Variants in OMA1 observed in about 807,000 individuals in gnomAD.
OMA1 encodes OMA1 zinc metallopeptidase, also known as metalloendopeptidase OMA1, mitochondrial.
Under a neutral mutation model 30.9 loss-of-function variants are expected in OMA1, and 38 were observed. That is an observed-to-expected ratio of 1.23 (90% confidence interval 0.95 to 1.61). The LOEUF is 1.61. Ranked by LOEUF, OMA1 falls within the 40% of genes most tolerant of loss-of-function variation. OMA1 has a pLI of 0.00. For missense variants in OMA1, 461 were observed against 349.2 expected (o/e 1.32, Z -2.55); for synonymous variants, 173 against 121.9 (o/e 1.42, Z -2.76).
chr1:58,531,687 T>G (rs1646435619), intron 5 of OMA1, among the ~76,000 whole-genome samples: 1 of 148,596 alleles, frequency 6.7e-6, no homozygotes, highest in African/African-American at 2.5e-5. Context: ...AACACAAATG[T>G]GTGTTTTGAA....
At chr1:58,500,189 A>AT (rs913160544) in intron 8 of OMA1, among the ~76,000 whole-genome samples, 4 of 152,000 alleles carry the variant, frequency 2.6e-5, no homozygotes, top group African/African-American at 7.2e-5. Context: ...GCACCATAAT[A>AT]TTTTTTTTAA....
chr1:58,518,619 C>T (rs906776398), intron 7 of OMA1, among the ~76,000 whole-genome samples: 18 of 131,176 alleles, frequency 1.4e-4, no homozygotes, highest in Non-Finnish European at 2.0e-4. Context: ...TGATAAAGAA[C>T]GAATATCTTT....
intron 5 of OMA1, 55 bp from the exon 6 acceptor site, chr1:58,530,784 C>G: frequency 2.4e-6 from 2 of 822,356 alleles, no homozygotes; most frequent in Non-Finnish European, 4.2e-6. Flanking sequence ...ACAGTATATG[C>G]TTACATTTTC....
At chr1:58,498,815 ATTCAT>A (rs1341191009) in intron 8 of OMA1, among the ~76,000 whole-genome samples, 3 of 152,168 alleles carry the variant, frequency 2.0e-5, no homozygotes, top group Admixed American at 2.0e-4. Flanking sequence ...TTATTCTTTA[ATTCAT>A]TTCATTTCCT....
At chr1:58,519,976 T>C (rs1646236275) in intron 7 of OMA1, among the ~76,000 whole-genome samples, 1 of 152,202 alleles carries the variant, frequency 6.6e-6, no homozygotes, top group African/African-American at 2.4e-5. Context: ...CACATTCTGA[T>C]ACATGGACAG....
At chr1:58,496,898 G>C (rs559618250) in intron 8 of OMA1, among the ~76,000 whole-genome samples, 17 of 152,184 alleles carry the variant, frequency 1.1e-4, no homozygotes, top group African/African-American at 4.1e-4. Flanking sequence ...TTGCAGGGTG[G>C]TGCTAAATTA....
chr1:58,493,698 T>C (rs1180776184), intron 8 of OMA1, among the ~76,000 whole-genome samples: 1 of 151,488 alleles, frequency 6.6e-6, no homozygotes, highest in African/African-American at 2.4e-5. Flanking sequence ...TAGCTAGGAA[T>C]CCAACTTACA....
At chr1:58,506,295 T>C in intron 7 of OMA1, 86 bp from the exon 8 acceptor site, 4 of 685,168 alleles carry the variant, frequency 5.8e-6, no homozygotes, top group Non-Finnish European at 9.9e-6. Context: ...TTTAATTCTA[T>C]TATAATTATA....
At chr1:58,497,054 C>T (rs374837443) in intron 8 of OMA1, among the ~76,000 whole-genome samples, 1 of 152,170 alleles carries the variant, frequency 6.6e-6, no homozygotes, top group Non-Finnish European at 1.5e-5. Context: ...ATGCAAAGCA[C>T]TATGAAGCTT....
At position 58,508,143 on chromosome 1, in the gene OMA1, A is replaced by G. The variant is rs1325743511; in HGVS notation, c.1216-1934T>C. Among the ~76,000 whole-genome samples, 2 of 152,196 alleles carry G rather than the reference A, an allele frequency of 1.3e-5. 1 individual carries two copies. Among genetic ancestry groups the G allele is most frequent in the African/African-American group, 4.8e-5 (2 of 41,450 alleles). ...GAAATTAATTATCCCTACAGACTAG[A>G]AAGTATTCCAAGCTAAAAGTATTAA... is the stretch of plus-strand genomic sequence containing the variant. On this transcript the variant is annotated intron_variant, in intron 7 of 8. Coordinates refer to ENST00000371226, the MANE Select transcript of OMA1 (RefSeq NM_145243.5).
intron 7 of OMA1, among the ~76,000 whole-genome samples, chr1:58,521,329 A>G (rs953619194): frequency 1.9e-5 from 1 of 52,964 alleles, no homozygotes. Context: ...TATGTACTAG[A>G]AAAAAAAAAG....
intron 3 of OMA1, among the ~76,000 whole-genome samples, chr1:58,535,627 G>T (rs1478014279): frequency 6.8e-6 from 1 of 148,104 alleles, no homozygotes; most frequent in Non-Finnish European, 1.5e-5. Flanking sequence ...ATTCAGCCAT[G>T]CCAAAGCTGT....
At chr1:58,500,848 C>T (rs1443043469) in intron 8 of OMA1, among the ~76,000 whole-genome samples, 1 of 152,118 alleles carries the variant, frequency 6.6e-6, no homozygotes, top group Non-Finnish European at 1.5e-5. Context: ...TAAAATAAAT[C>T]TTTGAAGCAG....
At chr1:58,518,338 G>GAGAAGAGAAGAGA (rs1646203931) in intron 7 of OMA1, among the ~76,000 whole-genome samples, 1 of 130,398 alleles carries the variant, frequency 7.7e-6, no homozygotes, top group South Asian at 2.6e-4. Context: ...GAGAAGAGAA[G>GAGAAGAGAAGAGA]AGAAGAGAAG....
chr1:58,530,582 G>A lies in OMA1; in HGVS notation c.1140+19C>T, dbSNP rs770858864. On this transcript the variant is annotated intron_variant, in intron 6 of 8. Coordinates refer to ENST00000371226, the MANE Select transcript of OMA1 (RefSeq NM_145243.5). ...TCACCAGAGGCTATGATCAATTCAA[G>A]TTATTGTCTCAGACTTACCTCCTGC... 1 of 866,742 alleles carries A rather than the reference G, an allele frequency of 1.2e-6. No homozygotes were observed. Among genetic ancestry groups the A allele is most frequent in the South Asian group, 1.3e-5 (1 of 75,830 alleles). 53.7% of individuals were successfully genotyped at this position (866,742 alleles called of 1,614,324 possible).
In OMA1 at chr1:58,480,867, CT is replaced by C. The variant is rs67922378; in HGVS notation, c.*97del. The C allele has an allele frequency of 7.5e-3, 4,454 of 596,610 alleles. No homozygotes were observed. Among genetic ancestry groups the C allele is most frequent in the South Asian group, 0.013 (532 of 40,976 alleles). The allele number at this position is 596,610 out of a possible 1,614,324, so 37.0% of individuals were successfully genotyped here. Reference sequence around the variant, plus strand: ...TGTACATGATTTGACCCTGAATATCCTTTTTTTTTTCACTTCAAACATCATT... The same window carrying C: ...TGTACATGATTTGACCCTGAATATCCTTTTTTTTTCACTTCAAACATCATT... On this transcript the variant is annotated 3_prime_UTR_variant, in exon 9 of 9. Coordinates refer to ENST00000371226, the MANE Select transcript of OMA1 (RefSeq NM_145243.5).
At chr1:58,496,843 T>C (rs1419761696) in intron 8 of OMA1, among the ~76,000 whole-genome samples, 1 of 152,212 alleles carries the variant, frequency 6.6e-6, no homozygotes, top group Non-Finnish European at 1.5e-5. Context: ...TCTACATAGA[T>C]TTCTCGTGAA....
chr1:58,500,533 AAT>A (rs1375605019), intron 8 of OMA1, among the ~76,000 whole-genome samples: 1 of 152,240 alleles, frequency 6.6e-6, no homozygotes, highest in Non-Finnish European at 1.5e-5. Flanking sequence ...AAATGAGATT[AAT>A]ATGAATGCAG....
intron 8 of OMA1, among the ~76,000 whole-genome samples, chr1:58,493,819 T>G (rs1210621497): frequency 2.0e-5 from 3 of 152,086 alleles, no homozygotes; most frequent in East Asian, 3.9e-4. Context: ...GAAGAATCAA[T>G]ATGGTGAAAA....
Sources: gnomAD v4.1 joint callset for allele counts (sites outside exome capture counted in the v4.1 genomes callset) on GRCh38, gnomAD v4.1.1 for gene constraint, MANE v1.5 for transcripts, NCBI Gene and HGNC (gene_info 2026-07-23, HGNC 2026-07-21) for gene names.